GHR: variants seen among roughly 807,000 people sequenced by gnomAD.
The protein encoded by GHR is growth hormone receptor, also known as GH receptor.
GHR carries 35 observed loss-of-function variants against 67.1 expected under a neutral mutation model. That is an observed-to-expected ratio of 0.52 (90% CI 0.40 to 0.69). GHR has a LOEUF of 0.69. GHR is among the 30% of genes least tolerant of loss of function. The pLI is 0.00. For missense variants in GHR, 792 were observed against 764.6 expected (o/e 1.04, Z -0.42); for synonymous variants, 272 against 269.1 (o/e 1.01, Z -0.10).
chr5:42,695,197 A>G (rs752347942), intron 5 of GHR, 108 bp downstream of exon 5: 13 of 781,260 alleles, frequency 1.7e-5, no homozygotes, highest in African/African-American at 1.0e-4. Context: ...ACAGTGTTCT[A>G]TAGATACATG....
intron 1 of GHR, among the ~76,000 whole-genome samples, chr5:42,544,157 C>T (rs1748635505): frequency 6.6e-6 from 1 of 152,076 alleles, no homozygotes; most frequent in South Asian, 2.1e-4. Flanking sequence ...CTCCTATGCC[C>T]TCATCCCTAA....
chr5:42,651,488 A>G (rs1205198888), intron 3 of GHR, among the ~76,000 whole-genome samples: 1 of 152,170 alleles, frequency 6.6e-6, no homozygotes, highest in Non-Finnish European at 1.5e-5. Flanking sequence ...ATGGGCCAAG[A>G]GACAGGCTTC....
chr5:42,474,295 G>GAAAGAAAGAAAGAAAGAAAGAGAAAGAA (rs147851081), intron 1 of GHR, among the ~76,000 whole-genome samples: 2 of 81,070 alleles, frequency 2.5e-5, no homozygotes, highest in Non-Finnish European at 2.4e-5. Flanking sequence ...AAAAGAGAAA[G>GAAAGAAAGAAAGAAAGAAAGAGAAAGAA]AGAAAGAAAG....
chr5:42,694,189 A>G (rs566433840), intron 4 of GHR, among the ~76,000 whole-genome samples: 1 of 152,152 alleles, frequency 6.6e-6, no homozygotes. Flanking sequence ...GCACTTACCC[A>G]CATTGCTTTG....
At chr5:42,626,521 G>A (rs1018107280) in intron 2 of GHR, among the ~76,000 whole-genome samples, 6 of 152,050 alleles carry the variant, frequency 3.9e-5, no homozygotes, top group South Asian at 2.1e-4. Context: ...AGAATCTCTC[G>A]GATTAAGACA....
At chr5:42,671,881 G>T (rs1373683412) in intron 3 of GHR, among the ~76,000 whole-genome samples, 1 of 150,732 alleles carries the variant, frequency 6.6e-6, no homozygotes. Flanking sequence ...GCGTGAACCC[G>T]GGAGGCGGAG....
intron 3 of GHR, among the ~76,000 whole-genome samples, chr5:42,672,764 T>C (rs1039115809): frequency 8.5e-5 from 13 of 152,242 alleles, no homozygotes; most frequent in Admixed American, 8.5e-4. Flanking sequence ...TCTCAAGCTA[T>C]ATACAAACTA....
intron 4 of GHR, among the ~76,000 whole-genome samples, chr5:42,694,419 C>T (rs141749390): frequency 2.0e-5 from 3 of 152,132 alleles, no homozygotes; most frequent in Non-Finnish European, 2.9e-5. Context: ...ATCTGCACAG[C>T]GTTGGTGCTG....
At chr5:42,690,274 T>C (rs972216650) in intron 4 of GHR, among the ~76,000 whole-genome samples, 1 of 152,168 alleles carries the variant, frequency 6.6e-6, no homozygotes, top group African/African-American at 2.4e-5. Flanking sequence ...TGCACTTCAG[T>C]GTAGTTCTGC....
chr5:42,608,008 G>A (rs773435899), intron 2 of GHR, among the ~76,000 whole-genome samples: 1 of 152,114 alleles, frequency 6.6e-6, no homozygotes, highest in Admixed American at 6.5e-5. Flanking sequence ...CTACCTATGG[G>A]CAACCTAGAA....
intron 1 of GHR, among the ~76,000 whole-genome samples, chr5:42,522,559 T>C (rs1307351935): frequency 1.3e-5 from 2 of 152,144 alleles, no homozygotes; most frequent in East Asian, 3.8e-4. Context: ...TTTGTTTAAA[T>C]ACAAAGGAAA....
rs1431620817 is a variant in GHR, at chr5:42,713,471, T to C, written c.827T>C (p.Phe276Ser). The change falls in exon 8 of 10, where the codon TTT becomes TCT. Residue 276 changes from phenylalanine (F) to serine (S), a missense_variant. Physicochemically the swap from Phe to Ser is radical, Grantham distance 155 (BLOSUM62 -2). Transcript: ENST00000230882. ...CTCTTAATTATTATCTTTGGAATAT[T>C]TGGGCTAACAGTGATGCTATTTGTA... ...PWLLIIIFGI[F>S]GLTVMLFVFL... is the part of the protein sequence containing the mutation. The C allele has an allele frequency of 1.3e-6, 2 of 1,507,896 alleles. No homozygotes were observed. The highest frequency in any genetic ancestry group is 1.4e-5 in the African/African-American group (1 of 72,806). 93.4% of individuals were successfully genotyped at this position (1,507,896 alleles called of 1,614,324 possible). A position where few individuals can be genotyped will look rare whatever the true frequency, so the allele number is the denominator to read the frequency against.
intron 2 of GHR, among the ~76,000 whole-genome samples, chr5:42,623,944 G>T (rs1001138804): frequency 1.3e-5 from 2 of 152,062 alleles, no homozygotes; most frequent in East Asian, 1.9e-4. Context: ...TAGACATTAG[G>T]TACATGGCTC....
chr5:42,694,332 C>A (rs1757566158), intron 4 of GHR, among the ~76,000 whole-genome samples: 1 of 152,128 alleles, frequency 6.6e-6, no homozygotes, highest in Non-Finnish European at 1.5e-5. Flanking sequence ...ATATAAGAGG[C>A]CCAAAAAACT....
intron 3 of GHR, among the ~76,000 whole-genome samples, chr5:42,671,624 C>T (rs1040504763): frequency 6.9e-6 from 1 of 145,128 alleles, no homozygotes; most frequent in African/African-American, 2.5e-5. Flanking sequence ...TTGATAAAAT[C>T]CAACCTCCCT....
At chr5:42,677,023 C>T (rs528829900) in intron 3 of GHR, among the ~76,000 whole-genome samples, 56 of 151,406 alleles carry the variant, frequency 3.7e-4, no homozygotes, top group South Asian at 8.5e-4. Context: ...AAGGAAGCAC[C>T]CAGCAAAAAT....
At chr5:42,467,537 A>G in intron 1 of GHR, 2 of 1,382,100 alleles carry the variant, frequency 1.4e-6, no homozygotes, top group East Asian at 2.3e-5. Flanking sequence ...GCTTTCTCAC[A>G]TTTACTACGC....
At chr5:42,670,924 C>G (rs941627288) in intron 3 of GHR, among the ~76,000 whole-genome samples, 1 of 145,766 alleles carries the variant, frequency 6.9e-6, no homozygotes, top group Non-Finnish European at 1.5e-5. Context: ...AGACATTTCT[C>G]AAAAGAAGCA....
intron 1 of GHR, among the ~76,000 whole-genome samples, chr5:42,564,126 C>CAAAGTGTGAGATTTATTTGAAATCTCAT (rs1749791591): frequency 6.7e-6 from 1 of 150,008 alleles, no homozygotes; most frequent in Non-Finnish European, 1.5e-5. Context: ...TGAAATCTCA[C>CAAAGTGTGAGATTTATTTGAAATCTCAT]AAAGTGTGAG....
Sources: allele counts gnomAD v4.1 joint callset (sites outside exome capture counted in the v4.1 genomes callset), GRCh38; gene constraint gnomAD v4.1.1; transcripts MANE v1.5; gene names NCBI Gene and HGNC (gene_info 2026-07-23, HGNC 2026-07-21).